Variants in SRCIN1 observed in about 807,000 individuals in gnomAD.
SRCIN1 encodes P130Cas-associated protein.
A neutral mutation model predicts 116.2 loss-of-function variants in SRCIN1; 50 were observed. The observed-to-expected ratio is 0.43, with a 90% CI of 0.34 to 0.54. The LOEUF is 0.54. SRCIN1 is among the 20% of genes least tolerant of loss of function. The pLI is 0.02. For missense variants in SRCIN1, 1,446 were observed against 1,672.0 expected, an observed-to-expected ratio of 0.86 and a Z score of 2.36; for synonymous variants, 736 against 750.0, an observed-to-expected ratio of 0.98 and a Z score of 0.30.
In SRCIN1 at chr17:38,552,256, G is replaced by T; in HGVS notation, c.2481-124C>A. 1 of 1,456,628 alleles carries T rather than the reference G, an allele frequency of 6.9e-7. No homozygotes were observed. The highest frequency in any genetic ancestry group is 9.2e-7 in the Non-Finnish European group (1 of 1,084,732). 90.2% of individuals were successfully genotyped at this position (1,456,628 alleles called of 1,614,324 possible). ...GGGATGCTGTGGGAGGGCCTGGGGA[G>T]GAGTGACTGCCCCTGGTATAAGAGG... On this transcript the variant is annotated intron_variant, in intron 13 of 18. Transcript: ENST00000617146. This position sits in a 1 kb window ranked among gnomAD's most constrained non-coding sequence, Gnocchi z 5.3.
In SRCIN1 at chr17:38,558,376, C is replaced by T. The variant is rs570575991; in HGVS notation, c.2052G>A (p.Ala684=). 55 of 1,604,622 alleles carry T rather than the reference C, an allele frequency of 3.4e-5. No homozygotes were observed. Among genetic ancestry groups the T allele is most frequent in the Non-Finnish European group, 4.4e-5 (52 of 1,179,106 alleles). Residue 684 remains alanine (A), a synonymous_variant, in exon 11 of 19, where the codon GCG becomes GCA. Coordinates refer to ENST00000617146, the MANE Select transcript of SRCIN1 (RefSeq NM_025248.3). This position sits in a 1 kb window ranked among gnomAD's most constrained non-coding sequence, Gnocchi z 4.6. ...LQLQNQESVR[A]LLKRTEAELS... ...GCTCTGCCTCCGTGCGCTTCAGCAG[C>T]GCGCGCACCGACTCCTGGTTCTGTA...
At chr17:38,534,590 A>G (rs2040973965) in intron 18 of SRCIN1, among the ~76,000 whole-genome samples, 1 of 152,200 alleles carries the variant, frequency 6.6e-6, no homozygotes. Context: ...AGGTCTGGGC[A>G]GGGTCGTTCA....
chr17:38,567,846 G>C (rs1377980992), intron 3 of SRCIN1, among the ~76,000 whole-genome samples: 1 of 152,204 alleles, frequency 6.6e-6, no homozygotes, highest in African/African-American at 2.4e-5. Context: ...TGAATTCAAA[G>C]AAGAGGGCCC....
chr17:38,561,344 T>G, intron 7 of SRCIN1, 119 bp downstream of exon 7: 1 of 1,234,486 alleles, frequency 8.1e-7, no homozygotes, highest in Non-Finnish European at 1.1e-6. Flanking sequence ...CTACTCAAGG[T>G]CTCCAAAGGA....
In SRCIN1 at chr17:38,544,808, C is replaced by G; in HGVS notation, c.3271-839G>C. 6.6e-6 allele frequency: 1 copy of G among 151,918 alleles called. No individual in the cohort carries two copies. Among genetic ancestry groups the G allele is most frequent in the Non-Finnish European group, 1.5e-5 (1 of 67,990 alleles). The allele number at this position is 151,918 out of a possible 1,614,324, so 9.4% of individuals were successfully genotyped here. Reference sequence around the variant, plus strand: ...GGCTGGCCTGGCATTTCTGCTGCCCCCTACTCTGTCTGACTCTGGAAATGG... The same window carrying G: ...GGCTGGCCTGGCATTTCTGCTGCCCGCTACTCTGTCTGACTCTGGAAATGG... On this transcript the variant is annotated intron_variant, in intron 17 of 18. Transcript: ENST00000617146. This position sits in a 1 kb window ranked among gnomAD's most constrained non-coding sequence, Gnocchi z 4.5.
At position 38,605,914 on chromosome 17, in the gene SRCIN1, T is replaced by C. The variant is rs1909336294; in HGVS notation, c.-209A>G. On this transcript the variant is annotated 5_prime_UTR_variant, in exon 1 of 19. Coordinates refer to ENST00000617146, the MANE Select transcript of SRCIN1 (RefSeq NM_025248.3). ...GCGCGCGCGCGGGCGTGTCACCGAG[T>C]GTGCGAGAGCGAGTGTGTGTGTGTT... 1.4e-5 allele frequency: 2 copies of C among 142,508 alleles called. No homozygotes were observed. Among genetic ancestry groups the C allele is most frequent in the South Asian group, 2.2e-4 (1 of 4,624 alleles). 8.8% of individuals were successfully genotyped at this position (142,508 alleles called of 1,614,324 possible). A position where few individuals can be genotyped will look rare whatever the true frequency, so the allele number is the denominator to read the frequency against.
intron 1 of SRCIN1, among the ~76,000 whole-genome samples, chr17:38,600,020 C>T (rs1427271162): frequency 2.6e-5 from 4 of 152,150 alleles, no homozygotes; most frequent in South Asian, 2.1e-4. Context: ...AGTATATGTC[C>T]GGCACTGTGC....
chr17:38,592,835 TG>T (rs1908512062), intron 1 of SRCIN1, among the ~76,000 whole-genome samples: 1 of 149,614 alleles, frequency 6.7e-6, no homozygotes, highest in African/African-American at 2.5e-5. Context: ...TTGGGGGGGT[TG>T]GGGGGCTGGT....
In SRCIN1 at chr17:38,561,329, CA is replaced by C. The variant is rs768419118; in HGVS notation, c.1700+133del. ...TCCAAGATGCTCTCTGGCGACCCTT[CA>C]AGACTACTCAAGGTCTCCAAAGGAC... On this transcript the variant is annotated intron_variant, in intron 7 of 18. Transcript: ENST00000617146. The C allele has an allele frequency of 3.5e-4, 398 of 1,125,838 alleles. 1 individual carries two copies. The highest frequency in any genetic ancestry group is 4.3e-4 in the Non-Finnish European group (369 of 850,314). 69.7% of individuals were successfully genotyped at this position (1,125,838 alleles called of 1,614,324 possible).
At chr17:38,551,017 C>T (rs918674477) in intron 15 of SRCIN1, 138 bp downstream of exon 15, 17 of 545,334 alleles carry the variant, frequency 3.1e-5, no homozygotes, top group African/African-American at 7.6e-5. Context: ...TAGTGGCAGC[C>T]GATGTCCCAG....
intron 18 of SRCIN1, among the ~76,000 whole-genome samples, chr17:38,537,869 A>C (rs1446030807): frequency 6.6e-6 from 1 of 151,922 alleles, no homozygotes. Flanking sequence ...TGGGAGGCTG[A>C]GGTGGGTGGA....
At chr17:38,571,491 C>G (rs994148808) in intron 2 of SRCIN1, among the ~76,000 whole-genome samples, 3 of 152,282 alleles carry the variant, frequency 2.0e-5, no homozygotes, top group Non-Finnish European at 4.4e-5. Context: ...CCAGAAACCC[C>G]CCAGTTAGGA....
chr17:38,598,041 C>G (rs536149887), intron 1 of SRCIN1, among the ~76,000 whole-genome samples: 2 of 152,238 alleles, frequency 1.3e-5, no homozygotes, highest in East Asian at 1.9e-4. Flanking sequence ...CCGCACAAGC[C>G]CCTTCACGTT....
chr17:38,597,148 A>G (rs1404985042), intron 1 of SRCIN1, among the ~76,000 whole-genome samples: 3 of 152,196 alleles, frequency 2.0e-5, no homozygotes, highest in Non-Finnish European at 4.4e-5. Context: ...TACCTAAAAC[A>G]TCGACATCCC....
intron 2 of SRCIN1, among the ~76,000 whole-genome samples, chr17:38,576,471 A>C (rs1907422839): frequency 6.6e-6 from 1 of 151,614 alleles, no homozygotes. Flanking sequence ...CCCAAACATC[A>C]TGGGCTTTCT....
chr17:38,537,197 A>G (rs1239123702), intron 18 of SRCIN1, among the ~76,000 whole-genome samples: 1 of 150,016 alleles, frequency 6.7e-6, no homozygotes, highest in African/African-American at 2.5e-5. Flanking sequence ...AATTAAATAA[A>G]TAAATAAAAA....
rs993864682 is a variant in SRCIN1 at position 38,578,808 on chromosome 17, G to C, written c.23-17C>G. ...GCTCCGGATCTGCGAGAGGTGAGAGGGGCACGGCTGGGTCACGGCGCGCCC... is the reference window on the plus strand; with the variant it reads ...GCTCCGGATCTGCGAGAGGTGAGAGCGGCACGGCTGGGTCACGGCGCGCCC... On this transcript the variant is annotated splice_polypyrimidine_tract_variant and intron_variant, in intron 1 of 18. Transcript: ENST00000617146. 2.0e-6 allele frequency: 3 copies of C among 1,467,154 alleles called. No individual in the cohort carries two copies. In the African/African-American group the frequency reaches 4.3e-5, roughly 21 times the overall value. 90.9% of individuals were successfully genotyped at this position (1,467,154 alleles called of 1,614,324 possible).
chr17:38,578,861 G>C, intron 1 of SRCIN1, 70 bp from the exon 2 acceptor site: 1 of 1,422,554 alleles, frequency 7.0e-7, no homozygotes. Context: ...CCCCCAAGGG[G>C]GTCCCTGCGG....
At chr17:38,583,112 C>T (rs1249200552) in intron 1 of SRCIN1, among the ~76,000 whole-genome samples, 1 of 152,214 alleles carries the variant, frequency 6.6e-6, no homozygotes, top group African/African-American at 2.4e-5. Context: ...CTCTGTTGCC[C>T]AGGCTGGAGT....
Sources: gnomAD v4.1 joint callset for allele counts (sites outside exome capture counted in the v4.1 genomes callset) on GRCh38, gnomAD v4.1.1 for gene constraint, Gnocchi (gnomAD v3.1) non-coding constraint, MANE v1.5 for transcripts, NCBI Gene and HGNC (gene_info 2026-07-23, HGNC 2026-07-21) for gene names.